The following DNAJC12 variants were observed in gnomAD, a reference collection of about 807,000 sequenced individuals.
DNAJC12 encodes the protein dnaJ homolog subfamily C member 12.
Under a neutral mutation model 28.5 loss-of-function variants are expected in DNAJC12, and 25 were observed. The observed-to-expected ratio is 0.88, with a 90% CI of 0.64 to 1.22. DNAJC12 has a LOEUF of 1.22. DNAJC12 is among the 50% of genes most tolerant of loss of function. The probability of loss-of-function intolerance (pLI) is 0.00; values close to 1 mark genes in which losing one functional copy is unlikely to be tolerated. For missense variants in DNAJC12, 222 were observed against 231.7 expected (o/e 0.96, Z 0.27); for synonymous variants, 77 against 80.6 (o/e 0.95, Z 0.24).
At chr10:67,831,233 T>C (rs1842090862) in intron 1 of DNAJC12, among the ~76,000 whole-genome samples, 1 of 152,204 alleles carries the variant, frequency 6.6e-6, no homozygotes, top group Non-Finnish European at 1.5e-5. Context: ...TGCATTTACT[T>C]ATTTATATAC....
At chr10:67,800,644 C>G (rs1041602663) in intron 4 of DNAJC12, among the ~76,000 whole-genome samples, 1 of 152,074 alleles carries the variant, frequency 6.6e-6, no homozygotes, top group South Asian at 2.1e-4. Context: ...AAAATCATTG[C>G]GTACATTTAA....
intron 4 of DNAJC12, among the ~76,000 whole-genome samples, chr10:67,801,214 C>T (rs1274448789): frequency 1.3e-5 from 2 of 152,098 alleles, no homozygotes; most frequent in Admixed American, 6.6e-5. Flanking sequence ...TCTAGCACTG[C>T]TTGAGGAAAT....
At chr10:67,812,947 G>C (rs562959401) in intron 2 of DNAJC12, among the ~76,000 whole-genome samples, 72 of 152,182 alleles carry the variant, frequency 4.7e-4, no homozygotes, top group Admixed American at 1.2e-3. Context: ...GTTGGAACCC[G>C]TGAGGCAGAG....
chr10:67,821,767 C>A (rs1454243467), intron 2 of DNAJC12, among the ~76,000 whole-genome samples: 1 of 152,090 alleles, frequency 6.6e-6, no homozygotes, highest in East Asian at 1.9e-4. Flanking sequence ...TTACCTACAG[C>A]AATGGCACCC....
chr10:67,831,416 C>T (rs1448035808), intron 1 of DNAJC12, among the ~76,000 whole-genome samples: 1 of 152,140 alleles, frequency 6.6e-6, no homozygotes, highest in African/African-American at 2.4e-5. Context: ...CTTATCTTTT[C>T]CATATTCTGC....
chr10:67,807,901 A>G (rs1188786069), intron 3 of DNAJC12, among the ~76,000 whole-genome samples: 1 of 152,238 alleles, frequency 6.6e-6, no homozygotes, highest in African/African-American at 2.4e-5. Context: ...AAAATATGTT[A>G]TCAGACTCCC....
chr10:67,815,114 T>C (rs1418289466), intron 2 of DNAJC12, among the ~76,000 whole-genome samples: 3 of 152,214 alleles, frequency 2.0e-5, no homozygotes, highest in African/African-American at 7.2e-5. Flanking sequence ...AACTGTGAAT[T>C]GATAAACAAA....
chr10:67,811,357 T>A, intron 3 of DNAJC12, 167 bp downstream of exon 3: 2 of 1,463,900 alleles, frequency 1.4e-6, no homozygotes, highest in African/African-American at 2.8e-5. Flanking sequence ...TTTATTCTGA[T>A]GAGCTTCTCT....
At chr10:67,829,507 G>A (rs1201885008) in intron 1 of DNAJC12, among the ~76,000 whole-genome samples, 2 of 152,098 alleles carry the variant, frequency 1.3e-5, no homozygotes, top group Non-Finnish European at 2.9e-5. Context: ...CGGGCGTGGT[G>A]GCGGCCGCCT....
intron 4 of DNAJC12, among the ~76,000 whole-genome samples, chr10:67,800,254 CAA>C (rs1186224845): frequency 7.3e-6 from 1 of 137,494 alleles, no homozygotes; most frequent in Non-Finnish European, 1.6e-5. Context: ...AAAATTGAAA[CAA>C]AGTGGCTAAT....
At position 67,797,295 on chromosome 10, in the gene DNAJC12, T is replaced by G. The variant is rs375658060; in HGVS notation, c.503-85A>C. On this transcript the variant is annotated intron_variant, in intron 4 of 4. Coordinates refer to ENST00000225171, the MANE Select transcript of DNAJC12 (RefSeq NM_021800.3). ...AGTAAAACAGCTTGGGGATAATATTTCACTGCAGCAGGTACAATGTAAGGG... is the reference window on the plus strand; with the variant it reads ...AGTAAAACAGCTTGGGGATAATATTGCACTGCAGCAGGTACAATGTAAGGG... 27 of 1,056,438 alleles carry G rather than the reference T, an allele frequency of 2.6e-5. No individual in the cohort carries two copies. In the African/African-American group the frequency reaches 2.9e-4, roughly 11 times the overall value. The allele number at this position is 1,056,438 out of a possible 1,614,324, so 65.4% of individuals were successfully genotyped here.
chr10:67,832,651 AAAAG>A (rs1290682709), intron 1 of DNAJC12, among the ~76,000 whole-genome samples: 1 of 152,210 alleles, frequency 6.6e-6, no homozygotes, highest in Non-Finnish European at 1.5e-5. Context: ...ATTAATGAGA[AAAAG>A]AAAGTCACCA....
intron 3 of DNAJC12, among the ~76,000 whole-genome samples, chr10:67,809,280 C>G (rs1469616183): frequency 6.6e-6 from 1 of 152,122 alleles, no homozygotes; most frequent in African/African-American, 2.4e-5. Context: ...CATCCACACC[C>G]TGGGTCTCTT....
chr10:67,811,085 T>C (rs1458959810), intron 3 of DNAJC12: 1 of 162,860 alleles, frequency 6.1e-6, no homozygotes, highest in Non-Finnish European at 1.3e-5. Flanking sequence ...GAATAATTCA[T>C]GGCTTTCTCT....
intron 2 of DNAJC12, among the ~76,000 whole-genome samples, chr10:67,816,623 G>A (rs1478152266): frequency 2.0e-5 from 3 of 147,104 alleles, no homozygotes; most frequent in South Asian, 4.3e-4. Flanking sequence ...TCAGCTCACT[G>A]CAACCACCGC....
At chr10:67,797,567 T>C (rs1841686485) in intron 4 of DNAJC12, among the ~76,000 whole-genome samples, 1 of 152,156 alleles carries the variant, frequency 6.6e-6, no homozygotes, top group Non-Finnish European at 1.5e-5. Context: ...GGCAAAAGGA[T>C]CGCTTGAAAT....
chr10:67,810,695 T>C (rs1841850610), intron 3 of DNAJC12: 1 of 152,106 alleles, frequency 6.6e-6, no homozygotes, highest in Non-Finnish European at 1.5e-5. Flanking sequence ...TTATCAACAA[T>C]TTGCTCAAGT....
intron 4 of DNAJC12, 56 bp from the exon 5 acceptor site, chr10:67,797,266 T>C (rs1841683484): frequency 6.8e-7 from 1 of 1,463,276 alleles, no homozygotes; most frequent in African/African-American, 1.4e-5. Context: ...GTCGATCTTG[T>C]TATAGTAAAA....
At chr10:67,819,695 AAAGGAAGGAAGGAAGGAAGGAAGCAAGG>A (rs1461106637) in intron 2 of DNAJC12, among the ~76,000 whole-genome samples, 10 of 24,748 alleles carry the variant, frequency 4.0e-4, no homozygotes, top group African/African-American at 5.1e-4. Context: ...AGAAAGAAAG[AAAGGAAGGAAGGAAGGAAGGAAGCAAGG>A]AAGGAAGGAA....
Sources: gnomAD v4.1 joint callset for allele counts (sites outside exome capture counted in the v4.1 genomes callset) on GRCh38, gnomAD v4.1.1 for gene constraint, MANE v1.5 for transcripts, NCBI Gene and HGNC (gene_info 2026-07-23, HGNC 2026-07-21) for gene names.